Variants in SMYD1 observed in about 807,000 individuals in gnomAD.
The protein encoded by SMYD1 is SET and MYND domain containing 1.
Under a neutral mutation model 54.0 loss-of-function variants are expected in SMYD1, and 49 were observed. The ratio of observed to expected loss-of-function variants is 0.91; its 90% CI spans 0.72 to 1.15. SMYD1 has a LOEUF of 1.15. Ranked by LOEUF, SMYD1 falls within the 50% of genes most tolerant of loss-of-function variation. SMYD1 has a pLI of 0.00. For missense variants in SMYD1, 653 were observed against 639.6 expected (o/e 1.02, Z -0.23); for synonymous variants, 269 against 234.2 (o/e 1.15, Z -1.36).
At chr2:88,082,197 G>C (rs1674214017) in intron 1 of SMYD1, among the ~76,000 whole-genome samples, 1 of 152,176 alleles carries the variant, frequency 6.6e-6, no homozygotes. Flanking sequence ...TTCTAAGTAT[G>C]CTAGTGTAAT....
chr2:88,075,878 G>T (rs556169750), intron 1 of SMYD1, among the ~76,000 whole-genome samples: 17 of 152,184 alleles, frequency 1.1e-4, no homozygotes, highest in African/African-American at 4.1e-4. Context: ...TTAATAGTCA[G>T]TGCAAACATG....
intron 7 of SMYD1, among the ~76,000 whole-genome samples, chr2:88,104,785 C>T (rs1674818963): frequency 1.3e-5 from 2 of 152,224 alleles, no homozygotes; most frequent in Non-Finnish European, 1.5e-5. Flanking sequence ...AGGAGAACAA[C>T]AAACACCTAA....
Position 88,084,512 on chromosome 2 carries a change from G to A in SMYD1, c.314+20G>A, listed in dbSNP as rs970150570. 1.3e-6 allele frequency: 2 copies of A among 1,555,582 alleles called. No homozygotes were observed. Among genetic ancestry groups the A allele is most frequent in the African/African-American group, 1.4e-5 (1 of 74,010 alleles). On this transcript the variant is annotated intron_variant, in intron 2 of 9. Coordinates refer to ENST00000419482, the MANE Select transcript of SMYD1 (RefSeq NM_198274.4). Reference sequence around the variant, plus strand: ...CATCAGGTGAGAGCTGGGCACCCTGGTGGTGCTTCAGATTTCCAAATGTCA... The same window carrying A: ...CATCAGGTGAGAGCTGGGCACCCTGATGGTGCTTCAGATTTCCAAATGTCA...
At chr2:88,104,824 T>C (rs1406701391) in intron 7 of SMYD1, among the ~76,000 whole-genome samples, 1 of 152,190 alleles carries the variant, frequency 6.6e-6, no homozygotes, top group Non-Finnish European at 1.5e-5. Flanking sequence ...CTTTGTAGGG[T>C]AGGGCCTAAT....
intron 8 of SMYD1, among the ~76,000 whole-genome samples, chr2:88,106,917 C>A (rs77188672): frequency 6.6e-6 from 1 of 151,976 alleles, no homozygotes; most frequent in Non-Finnish European, 1.5e-5. Flanking sequence ...TTGTAAAATT[C>A]TGGCCAGGCG....
In SMYD1 at chr2:88,103,043, G is replaced by T; in HGVS notation, c.889-15G>T. 1 of 1,611,914 alleles carries T rather than the reference G, an allele frequency of 6.2e-7. No individual in the cohort carries two copies. The highest frequency in any genetic ancestry group is 8.5e-7 in the Non-Finnish European group (1 of 1,178,062). ...CATGAAGGCATCTCTAGCTCAATGT[G>T]TCTCTCTTTCCCAGCCCTCTCAGGA... is the stretch of plus-strand genomic sequence containing the variant. On this transcript the variant is annotated splice_polypyrimidine_tract_variant and intron_variant, in intron 6 of 9. Coordinates refer to ENST00000419482, the MANE Select transcript of SMYD1 (RefSeq NM_198274.4).
At chr2:88,082,545 A>T (rs1191672187) in intron 1 of SMYD1, 1 of 154,386 alleles carries the variant, frequency 6.5e-6, no homozygotes, top group Non-Finnish European at 1.5e-5. Context: ...ATCAGGCTCA[A>T]GGGTCAGGCC....
intron 5 of SMYD1, among the ~76,000 whole-genome samples, chr2:88,094,023 C>T (rs1385771050): frequency 6.6e-6 from 1 of 152,192 alleles, no homozygotes; most frequent in Non-Finnish European, 1.5e-5. Context: ...CCGCTTACTG[C>T]TTCTGACCAA....
chr2:88,110,233 G>A, intron 9 of SMYD1, 121 bp from the exon 10 acceptor site: 1 of 991,828 alleles, frequency 1.0e-6, no homozygotes, highest in Non-Finnish European at 1.5e-6. Flanking sequence ...GTGTGTGTGT[G>A]TATTCTGAGG....
chr2:88,089,370 GTGGGC>G (rs1214795748), intron 3 of SMYD1, among the ~76,000 whole-genome samples: 1 of 152,172 alleles, frequency 6.6e-6, no homozygotes, highest in Non-Finnish European at 1.5e-5. Flanking sequence ...GACCAGCCAT[GTGGGC>G]ACACAAAATT....
In SMYD1 at chr2:88,067,931, G is replaced by T; in HGVS notation, c.67G>T (p.Ala23Ser). The T allele has an allele frequency of 6.2e-7, 1 of 1,614,054 alleles. No homozygotes were observed. Reference sequence around the variant, plus strand: ...TGAGGGCAAAGGAAGGGGTCTGAAGGCCACCAAGGAGTTCTGGGCTGCAGA... The same window carrying T: ...TGAGGGCAAAGGAAGGGGTCTGAAGTCCACCAAGGAGTTCTGGGCTGCAGA... ...TAEGKGRGLK[A>S]TKEFWAADII... Residue 23 changes from alanine (A) to serine (S), a missense_variant, in exon 1 of 10, where the codon GCC (alanine) becomes TCC (serine). Physicochemically the swap from Ala to Ser is moderately conservative, Grantham distance 99. Transcript: ENST00000419482.
intron 1 of SMYD1, among the ~76,000 whole-genome samples, chr2:88,068,610 G>GTT (rs1558844318): frequency 7.2e-6 from 1 of 139,756 alleles, no homozygotes; most frequent in Admixed American, 6.8e-5. Flanking sequence ...TAGTCTGTCT[G>GTT]GTTTTTTTTT....
Position 88,091,011 on chromosome 2 carries a change from G to A in SMYD1, c.529-1G>A. ...ACTCTTTCATCTTTTCCCCTGGGTA[G>A]ATTAACTGCAACGGTTTTACTCTCA... is the stretch of plus-strand genomic sequence containing the variant. On this transcript the variant is annotated splice_acceptor_variant, in intron 3 of 9. Coordinates refer to ENST00000419482, the MANE Select transcript of SMYD1 (RefSeq NM_198274.4). LOFTEE classifies it high-confidence loss of function. 2 of 1,612,634 alleles carry A rather than the reference G, an allele frequency of 1.2e-6. No homozygotes were observed. The highest frequency in any genetic ancestry group is 1.7e-6 in the Non-Finnish European group (2 of 1,179,038).
chr2:88,081,571 G>A (rs1674193424), intron 1 of SMYD1, among the ~76,000 whole-genome samples: 1 of 151,928 alleles, frequency 6.6e-6, no homozygotes, highest in South Asian at 2.1e-4. Flanking sequence ...GAGTAGCTGG[G>A]ATTACAGGCA....
chr2:88,101,945 T>C (rs1200046789), intron 6 of SMYD1, among the ~76,000 whole-genome samples: 1 of 152,242 alleles, frequency 6.6e-6, no homozygotes, highest in Non-Finnish European at 1.5e-5. Flanking sequence ...GTGCTTTGAT[T>C]GGTCAGTGCT....
chr2:88,090,800 A>G (rs1315370773), intron 3 of SMYD1, among the ~76,000 whole-genome samples: 3 of 152,176 alleles, frequency 2.0e-5, no homozygotes, highest in African/African-American at 7.2e-5. Flanking sequence ...GTAGGGCTGC[A>G]TTTTTGCAGG....
At chr2:88,083,047 C>G (rs1320613456) in intron 1 of SMYD1, 5 of 152,180 alleles carry the variant, frequency 3.3e-5, no homozygotes, top group African/African-American at 1.2e-4. Flanking sequence ...GGAAGCTTCT[C>G]CCTCCAGGCT....
intron 8 of SMYD1, among the ~76,000 whole-genome samples, chr2:88,108,013 A>G (rs1032646919): frequency 4.6e-5 from 7 of 152,178 alleles, no homozygotes; most frequent in Non-Finnish European, 8.8e-5. Flanking sequence ...AAATGCAGAA[A>G]TCATTCGTCT....
chr2:88,103,988 A>G (rs1028643391), intron 7 of SMYD1, among the ~76,000 whole-genome samples: 2 of 140,784 alleles, frequency 1.4e-5, no homozygotes, highest in African/African-American at 2.7e-5. Flanking sequence ...TTTTTTTGAG[A>G]TGGAGTCTCG....
Sources: gnomAD v4.1 joint callset for allele counts (sites outside exome capture counted in the v4.1 genomes callset) on GRCh38, gnomAD v4.1.1 for gene constraint, MANE v1.5 for transcripts, NCBI Gene and HGNC (gene_info 2026-07-23, HGNC 2026-07-21) for gene names.